The following MLLT3 variants were observed in gnomAD, a reference collection of about 807,000 sequenced individuals.
The protein encoded by MLLT3 is protein AF-9.
MLLT3 carries 4 observed loss-of-function variants against 53.2 expected under a neutral mutation model. The ratio of observed to expected loss-of-function variants is 0.08; its 90% CI spans 0.04 to 0.17. The LOEUF (loss-of-function observed/expected upper bound fraction) is 0.17, where lower values mean the gene tolerates loss of function less well. Among genes scored for constraint, MLLT3 ranks in the 10% least tolerant of loss-of-function variants. MLLT3 has a pLI of 1.00. For synonymous variants in MLLT3, 283 were observed against 230.6 expected, an observed-to-expected ratio of 1.23 and a Z score of -2.06; for missense variants, 569 against 684.0, an observed-to-expected ratio of 0.83 and a Z score of 1.87.
At chr9:20,559,924 C>A (rs1272143323) in intron 2 of MLLT3, among the ~76,000 whole-genome samples, 1 of 152,146 alleles carries the variant, frequency 6.6e-6, no homozygotes, top group Non-Finnish European at 1.5e-5. Flanking sequence ...TACGTAAACA[C>A]AAACCAGACT....
rs1587132049 is a variant in MLLT3, at chr9:20,343,444, A to G, written c.*2999T>C. 1 of 222,692 alleles carries G rather than the reference A, an allele frequency of 4.5e-6. No homozygotes were observed. Among genetic ancestry groups the G allele is most frequent in the Non-Finnish European group, 9.0e-6 (1 of 111,480 alleles). 13.8% of individuals were successfully genotyped at this position (222,692 alleles called of 1,614,324 possible). A position where few individuals can be genotyped will look rare whatever the true frequency, so the allele number is the denominator to read the frequency against. Reference sequence around the variant, plus strand: ...TTTGTCTGTATTAAGATTGAGAGAGAGGCAGATTATGCTGAGGATGGTGAA... The same window carrying G: ...TTTGTCTGTATTAAGATTGAGAGAGGGGCAGATTATGCTGAGGATGGTGAA... On this transcript the variant is annotated 3_prime_UTR_variant, in exon 11 of 11. Coordinates refer to ENST00000380338, the MANE Select transcript of MLLT3 (RefSeq NM_004529.4).
chr9:20,390,223 G>A (rs1822148966), intron 5 of MLLT3, among the ~76,000 whole-genome samples: 1 of 152,192 alleles, frequency 6.6e-6, no homozygotes, highest in South Asian at 2.1e-4. Context: ...GGAGGAAAAA[G>A]TGGTAAGTTT....
intron 6 of MLLT3, 100 bp downstream of exon 6, chr9:20,365,569 T>G: frequency 1.6e-5 from 21 of 1,322,156 alleles, no homozygotes; most frequent in Non-Finnish European, 2.2e-5. Context: ...AGGATGGTCT[T>G]GATCTCCTGA....
chr9:20,513,172 C>T (rs1162303944), intron 2 of MLLT3, among the ~76,000 whole-genome samples: 1 of 152,154 alleles, frequency 6.6e-6, no homozygotes, highest in Non-Finnish European at 1.5e-5. Flanking sequence ...CAGCCTAATG[C>T]CTAAGTGTCT....
rs565912547 is a variant in MLLT3 at position 20,414,542 on chromosome 9, A to C, written c.421-117T>G. The C allele has an allele frequency of 6.5e-5, 95 of 1,468,530 alleles. No individual in the cohort carries two copies. The African/African-American group carries it at 1.2e-3, about 19-fold the overall frequency. The allele number at this position is 1,468,530 out of a possible 1,614,324, so 91.0% of individuals were successfully genotyped here. A position where few individuals can be genotyped will look rare whatever the true frequency, so the allele number is the denominator to read the frequency against. ...CCTCTCAAGCTATCATTAAAATACC[A>C]AAAATATTTTAATATAAACCAAAAA... On this transcript the variant is annotated intron_variant, in intron 4 of 10. Coordinates refer to ENST00000380338, the MANE Select transcript of MLLT3 (RefSeq NM_004529.4).
At chr9:20,609,424 T>C (rs1252316766) in intron 2 of MLLT3, among the ~76,000 whole-genome samples, 1 of 152,086 alleles carries the variant, frequency 6.6e-6, no homozygotes, top group Non-Finnish European at 1.5e-5. Flanking sequence ...CAGACAGCCC[T>C]CAATTAGCTT....
At position 20,573,966 on chromosome 9, in the gene MLLT3, T is replaced by C. The variant is rs140082242; in HGVS notation, c.193+46688A>G. 1.9e-3 allele frequency among the ~76,000 whole-genome samples: 294 copies of C among 152,270 alleles called. 1 individual carries two copies. The highest frequency in any genetic ancestry group is 6.8e-3 in the African/African-American group (284 of 41,546). On this transcript the variant is annotated intron_variant, in intron 2 of 10. Coordinates refer to ENST00000380338, the MANE Select transcript of MLLT3 (RefSeq NM_004529.4). The stretch of plus-strand genomic sequence containing the variant: ...TTCATTTTTTGGGTTTGAGAAAGTA[T>C]AGAAATAGAAGAACTGGTGACTGGT...
intron 2 of MLLT3, among the ~76,000 whole-genome samples, chr9:20,604,471 TG>T (rs1363536079): frequency 6.6e-6 from 1 of 152,126 alleles, no homozygotes; most frequent in African/African-American, 2.4e-5. Context: ...TAAGCAAAAA[TG>T]TTGAGATTTG....
At chr9:20,594,007 C>T (rs2131189459) in intron 2 of MLLT3, among the ~76,000 whole-genome samples, 1 of 146,146 alleles carries the variant, frequency 6.8e-6, no homozygotes, top group South Asian at 2.2e-4. Flanking sequence ...GTGGTGTGAT[C>T]TCGGCTCACT....
intron 1 of MLLT3, chr9:20,622,020 T>C (rs1821030206): frequency 2.3e-5 from 27 of 1,184,392 alleles, no homozygotes; most frequent in Non-Finnish European, 2.9e-5. Flanking sequence ...GGGGCGAGTG[T>C]GAGCGTGTGT....
At chr9:20,617,838 TC>T (rs1243128519) in intron 2 of MLLT3, among the ~76,000 whole-genome samples, 4 of 152,170 alleles carry the variant, frequency 2.6e-5, no homozygotes, top group African/African-American at 9.7e-5. Flanking sequence ...TTAATTCAAA[TC>T]CAATTAGCTC....
chr9:20,513,731 G>A (rs560787777), intron 2 of MLLT3, among the ~76,000 whole-genome samples: 3 of 152,296 alleles, frequency 2.0e-5, no homozygotes, highest in Non-Finnish European at 2.9e-5. Context: ...TATCTGGCTC[G>A]ACCACACTGA....
chr9:20,384,093 T>A (rs1305566635), intron 5 of MLLT3, among the ~76,000 whole-genome samples: 1 of 152,038 alleles, frequency 6.6e-6, no homozygotes, highest in African/African-American at 2.4e-5. Context: ...AAGAAAATAA[T>A]AATATCATGA....
intron 2 of MLLT3, among the ~76,000 whole-genome samples, chr9:20,510,199 G>C (rs1399902510): frequency 6.6e-6 from 1 of 151,956 alleles, no homozygotes; most frequent in Non-Finnish European, 1.5e-5. Context: ...CCAACAACTT[G>C]ATAAGCAAAA....
At chr9:20,576,756 C>G (rs1259673263) in intron 2 of MLLT3, among the ~76,000 whole-genome samples, 1 of 152,096 alleles carries the variant, frequency 6.6e-6, no homozygotes, top group Admixed American at 6.6e-5. Context: ...AAAGGTGACA[C>G]AGAGACATAA....
At chr9:20,513,678 C>T (rs916648913) in intron 2 of MLLT3, among the ~76,000 whole-genome samples, 1 of 152,124 alleles carries the variant, frequency 6.6e-6, no homozygotes, top group African/African-American at 2.4e-5. Context: ...GTCAAGTAGG[C>T]TGTATCTGTA....
intron 7 of MLLT3, among the ~76,000 whole-genome samples, 159 bp from the exon 8 acceptor site, chr9:20,361,000 T>C (rs1216572475): frequency 6.6e-6 from 1 of 152,254 alleles, no homozygotes; most frequent in Non-Finnish European, 1.5e-5. Flanking sequence ...ACTTTGTAAC[T>C]GGAACTGTGT....
chr9:20,587,186 CAAA>C (rs11393182), intron 2 of MLLT3, among the ~76,000 whole-genome samples: 1 of 106,230 alleles, frequency 9.4e-6, no homozygotes, highest in African/African-American at 3.8e-5. Context: ...ATAGCTAGGC[CAAA>C]AAAAAAAAAA....
At chr9:20,592,556 CTTCT>C (rs1379886974) in intron 2 of MLLT3, among the ~76,000 whole-genome samples, 3 of 152,168 alleles carry the variant, frequency 2.0e-5, no homozygotes, top group African/African-American at 4.8e-5. Flanking sequence ...ACCTTAATTA[CTTCT>C]TTAAGGATTC....
Sources: gnomAD v4.1 joint callset for allele counts (sites outside exome capture counted in the v4.1 genomes callset) on GRCh38, gnomAD v4.1.1 for gene constraint, MANE v1.5 for transcripts, NCBI Gene and HGNC (gene_info 2026-07-23, HGNC 2026-07-21) for gene names.